The following RIN2 variants were observed in gnomAD, a reference collection of about 807,000 sequenced individuals.
The protein encoded by RIN2 is RAB5 interacting protein 2.
RIN2 carries 36 observed loss-of-function variants against 78.0 expected under a neutral mutation model. The ratio of observed to expected loss-of-function variants is 0.46; its 90% CI spans 0.35 to 0.61. RIN2 has a LOEUF of 0.61. Ranked by LOEUF, RIN2 falls within the 20% of genes least tolerant of loss-of-function variation. The probability of loss-of-function intolerance (pLI) is 0.00; values close to 1 mark genes in which losing one functional copy is unlikely to be tolerated. For missense variants in RIN2, 1,087 were observed against 1,159.7 expected, an observed-to-expected ratio of 0.94 and a Z score of 0.91; for synonymous variants, 466 against 466.8, an observed-to-expected ratio of 1.00 and a Z score of 0.02.
At chr20:19,977,268 C>A (rs576674919) in intron 9 of RIN2, among the ~76,000 whole-genome samples, 3 of 152,310 alleles carry the variant, frequency 2.0e-5, no homozygotes, top group Admixed American at 2.0e-4. Flanking sequence ...CCCACAGTGC[C>A]TGGCCTTCCC....
intron 2 of RIN2, among the ~76,000 whole-genome samples, chr20:19,856,782 C>T (rs1214870613): frequency 1.3e-5 from 2 of 152,104 alleles, no homozygotes; most frequent in South Asian, 2.1e-4. Flanking sequence ...AGCATTCCAG[C>T]GACTGGTCAT....
rs1004954363 is a variant in RIN2 at position 19,935,107 on chromosome 20, C to T, written c.66C>T (p.Asp22=). Residue 22 remains aspartate (D), a synonymous_variant, in exon 4 of 13, where the codon GAC becomes GAT. Coordinates refer to ENST00000255006, the MANE Select transcript of RIN2 (RefSeq NM_018993.4). ...TTTTTGTCTTTGAATAGCTCATTGA[C>T]ACAATTGCCTCGGAGATCGGAGAAC... ...DKRGSFFKLI[D]TIASEIGELK... is the part of the protein sequence containing the mutation. The T allele has an allele frequency of 1.3e-6, 2 of 1,595,084 alleles. No homozygotes were observed. Among genetic ancestry groups the T allele is most frequent in the Non-Finnish European group, 1.7e-6 (2 of 1,170,784 alleles).
chr20:19,963,221 G>A (rs921743848), intron 6 of RIN2, among the ~76,000 whole-genome samples: 2 of 152,118 alleles, frequency 1.3e-5, no homozygotes, highest in African/African-American at 4.8e-5. Flanking sequence ...GCACACGTGT[G>A]TTTGTTGTTT....
intron 2 of RIN2, among the ~76,000 whole-genome samples, chr20:19,850,809 A>G (rs2036934936): frequency 6.6e-6 from 1 of 152,146 alleles, no homozygotes; most frequent in Non-Finnish European, 1.5e-5. Context: ...CTAAAAATAC[A>G]AACAAAAACC....
intron 1 of RIN2, among the ~76,000 whole-genome samples, chr20:19,764,936 T>TTTTTTTTTTTTTTTTTTTTTTTTTTC (rs2033818621): frequency 7.5e-6 from 1 of 132,578 alleles, no homozygotes; most frequent in Non-Finnish European, 1.6e-5. Context: ...TTTTTTTTTT[T>TTTTTTTTTTTTTTTTTTTTTTTTTTC]TTTTTTTGAC....
chr20:19,843,902 A>G (rs1374883778), intron 2 of RIN2, among the ~76,000 whole-genome samples: 2 of 152,240 alleles, frequency 1.3e-5, no homozygotes, highest in South Asian at 2.1e-4. Flanking sequence ...CTGACTTTAT[A>G]AAGAATACAT....
At chr20:19,788,273 A>C (rs1226813704) in intron 1 of RIN2, among the ~76,000 whole-genome samples, 1 of 152,060 alleles carries the variant, frequency 6.6e-6, no homozygotes, top group Non-Finnish European at 1.5e-5. Context: ...CTAAGGCAAG[A>C]AAAAGAAAGA....
At chr20:19,905,652 G>A (rs1386944616) in intron 3 of RIN2, among the ~76,000 whole-genome samples, 1 of 152,132 alleles carries the variant, frequency 6.6e-6, no homozygotes, top group Non-Finnish European at 1.5e-5. Flanking sequence ...GGAGGCTGAG[G>A]CAAGAGGATC....
intron 1 of RIN2, among the ~76,000 whole-genome samples, chr20:19,780,018 G>A (rs1028481060): frequency 2.0e-5 from 3 of 152,084 alleles, no homozygotes; most frequent in African/African-American, 4.8e-5. Context: ...TTTTATTTCT[G>A]ATTATAAAGA....
At chr20:19,939,276 G>C (rs1182632357) in intron 4 of RIN2, among the ~76,000 whole-genome samples, 1 of 152,116 alleles carries the variant, frequency 6.6e-6, no homozygotes, top group Non-Finnish European at 1.5e-5. Context: ...TCGAATTCCT[G>C]GCCTCAAGTG....
chr20:19,787,422 TAA>T (rs541323014), intron 1 of RIN2, among the ~76,000 whole-genome samples: 102 of 85,874 alleles, frequency 1.2e-3, no homozygotes, highest in African/African-American at 3.1e-3. Context: ...GACTCCATCT[TAA>T]AAAAAAAAAA....
Position 19,878,010 on chromosome 20 carries a change from A to T in RIN2, c.-36-11556A>T, listed in dbSNP as rs114763676. Among the ~76,000 whole-genome samples the T allele has an allele frequency of 7.3e-3, 1,106 of 152,264 alleles. 9 individuals are homozygous for T. The highest frequency in any genetic ancestry group is 0.026 in the African/African-American group (1,062 of 41,550). On this transcript the variant is annotated intron_variant, in intron 2 of 12. Coordinates refer to ENST00000255006, the MANE Select transcript of RIN2 (RefSeq NM_018993.4). ...ATTCTAGTCTGGGCGACAGAGTAAG[A>T]GTGTCTCAAAAAAGAAAAATAGTAG...
chr20:19,898,719 C>T (rs1240313012), intron 3 of RIN2, among the ~76,000 whole-genome samples: 2 of 152,140 alleles, frequency 1.3e-5, no homozygotes, highest in Non-Finnish European at 1.5e-5. Flanking sequence ...TCATTAATAC[C>T]ACATAAGTCA....
At chr20:19,886,316 G>A (rs1055399699) in intron 2 of RIN2, among the ~76,000 whole-genome samples, 5 of 152,222 alleles carry the variant, frequency 3.3e-5, no homozygotes, top group Admixed American at 2.0e-4. Context: ...GCAGCCTGGA[G>A]CCCAGCCAGG....
At chr20:19,797,496 C>G (rs17298612) in intron 1 of RIN2, among the ~76,000 whole-genome samples, 1,956 of 152,210 alleles carry the variant, frequency 0.013, 17 homozygotes, top group South Asian at 0.02. Flanking sequence ...TAATATAAAC[C>G]ATGCAACAGG....
At chr20:19,841,595 A>G (rs1039815047) in intron 2 of RIN2, among the ~76,000 whole-genome samples, 3 of 152,176 alleles carry the variant, frequency 2.0e-5, no homozygotes, top group African/African-American at 7.2e-5. Context: ...GACCTTTTCA[A>G]ACACTGAAAC....
chr20:19,875,104 AC>A (rs34927048), intron 2 of RIN2, among the ~76,000 whole-genome samples: 5,337 of 150,580 alleles, frequency 0.035, 277 homozygotes, highest in African/African-American at 0.12. Flanking sequence ...CAAGTGATCC[AC>A]CCACCTCGGT....
At chr20:19,894,669 T>G (rs2038636504) in intron 3 of RIN2, among the ~76,000 whole-genome samples, 1 of 152,220 alleles carries the variant, frequency 6.6e-6, no homozygotes, top group Non-Finnish European at 1.5e-5. Context: ...TGGCTATTAG[T>G]GCTCATGTGA....
intron 3 of RIN2, among the ~76,000 whole-genome samples, chr20:19,923,474 A>AAAATAAAAT (rs2040016517): frequency 3.7e-5 from 4 of 108,520 alleles, no homozygotes; most frequent in Non-Finnish European, 8.4e-5. Context: ...TAAAATAAAT[A>AAAATAAAAT]AAATAAAATA....
Sources: allele counts gnomAD v4.1 joint callset (sites outside exome capture counted in the v4.1 genomes callset), GRCh38; gene constraint gnomAD v4.1.1; transcripts MANE v1.5; gene names NCBI Gene and HGNC (gene_info 2026-07-23, HGNC 2026-07-21).